Variants in ZMAT2 observed in about 807,000 individuals in gnomAD.
ZMAT2 encodes zinc finger matrin-type protein 2.
A neutral mutation model predicts 27.5 loss-of-function variants in ZMAT2; 5 were observed. That is an observed-to-expected ratio of 0.18 (90% CI 0.10 to 0.38). The LOEUF is 0.38. Ranked by LOEUF, ZMAT2 falls within the 10% of genes least tolerant of loss-of-function variation. The pLI is 1.00. For missense variants in ZMAT2, 124 were observed against 243.9 expected, an observed-to-expected ratio of 0.51 and a Z score of 3.27; for synonymous variants, 76 against 78.6, an observed-to-expected ratio of 0.97 and a Z score of 0.17.
At chr5:140,702,553 A>G (rs1191606001) in intron 3 of ZMAT2, among the ~76,000 whole-genome samples, 1 of 152,202 alleles carries the variant, frequency 6.6e-6, no homozygotes, top group Non-Finnish European at 1.5e-5. Context: ...TTTTATTGCC[A>G]TTGTACTTGT....
At chr5:140,703,837 C>T in intron 3 of ZMAT2, 81 bp from the exon 4 acceptor site, 1 of 1,307,126 alleles carries the variant, frequency 7.7e-7, no homozygotes, top group Admixed American at 1.7e-5. Context: ...AAGAAGTTTA[C>T]CTAAAAATTT....
At chr5:140,700,701 C>T in intron 1 of ZMAT2, 118 bp from the exon 2 acceptor site, 1 of 1,330,706 alleles carries the variant, frequency 7.5e-7, no homozygotes, top group Non-Finnish European at 1.0e-6. Context: ...CTCGTACAGT[C>T]CAAAGAGGCT....
At chr5:140,701,953 T>A in intron 2 of ZMAT2, 53 bp from the exon 3 acceptor site, 1 of 1,548,748 alleles carries the variant, frequency 6.5e-7, no homozygotes, top group Non-Finnish European at 8.7e-7. Context: ...TTTTTTCCTT[T>A]CTGGTTGAGG....
Position 140,705,597 on chromosome 5 carries a change from T to C in ZMAT2, c.457-16T>C, listed in dbSNP as rs1760042906. 2 of 1,603,918 alleles carry C rather than the reference T, an allele frequency of 1.2e-6. No homozygotes were observed. The highest frequency in any genetic ancestry group is 2.2e-5 in the South Asian group (2 of 89,990). ...CTGAGGAGTCTAAACTGATTCTGAGTGATTTTTCCCTCCAGGAGGAAAAGG... is the reference window on the plus strand; with the variant it reads ...CTGAGGAGTCTAAACTGATTCTGAGCGATTTTTCCCTCCAGGAGGAAAAGG... On this transcript the variant is annotated splice_polypyrimidine_tract_variant and intron_variant, in intron 5 of 5. Coordinates refer to ENST00000274712, the MANE Select transcript of ZMAT2 (RefSeq NM_144723.3).
chr5:140,700,543 G>A, intron 1 of ZMAT2, 65 bp downstream of exon 1: 1 of 1,608,808 alleles, frequency 6.2e-7, no homozygotes, highest in African/African-American at 1.3e-5. Flanking sequence ...CCTGAATAGA[G>A]ACAAACTCCT....
Position 140,702,064 on chromosome 5 carries a change from C to T in ZMAT2, c.171C>T (p.Asp57=). The T allele has an allele frequency of 6.2e-6, 10 of 1,613,542 alleles. No individual in the cohort carries two copies. Among genetic ancestry groups the T allele is most frequent in the Non-Finnish European group, 8.5e-6 (10 of 1,179,790 alleles). Residue 57 remains aspartate (D), a synonymous_variant, in exon 3 of 6, where the codon GAC becomes GAT. Transcript: ENST00000274712. ...TACGGCATAGGGACTACAAGGTGGA[C>T]TTGGAATCCAAGCTTGGGAAGACAA... ...ELLRHRDYKV[D]LESKLGKTIV...
chr5:140,700,979 G>A, intron 2 of ZMAT2, 67 bp downstream of exon 2: 4 of 1,503,960 alleles, frequency 2.7e-6, no homozygotes, highest in Non-Finnish European at 3.7e-6. Flanking sequence ...GAGCGGGTGG[G>A]AGTTGAAGTG....
At chr5:140,704,234 G>A (rs1253029127) in intron 4 of ZMAT2, among the ~76,000 whole-genome samples, 192 bp from the exon 5 acceptor site, 1 of 152,172 alleles carries the variant, frequency 6.6e-6, no homozygotes, top group Non-Finnish European at 1.5e-5. Context: ...GCCTCATTCT[G>A]GAGGCCATGA....
At chr5:140,702,182 C>G in intron 3 of ZMAT2, 53 bp downstream of exon 3, 3 of 1,597,782 alleles carry the variant, frequency 1.9e-6, no homozygotes, top group South Asian at 2.2e-5. Context: ...TAATAAGCCA[C>G]CTATTTTGGT....
intron 3 of ZMAT2, among the ~76,000 whole-genome samples, chr5:140,703,711 A>G (rs1353490064): frequency 6.6e-6 from 1 of 152,244 alleles, no homozygotes; most frequent in Non-Finnish European, 1.5e-5. Flanking sequence ...GGAAGAGACT[A>G]CACAGAGTAG....
intron 1 of ZMAT2, 68 bp from the exon 2 acceptor site, chr5:140,700,751 G>C: frequency 2.6e-6 from 4 of 1,545,912 alleles, no homozygotes. Flanking sequence ...GACCGCGAGG[G>C]CGCGGTTCCC....
chr5:140,704,229 A>G (rs1342845709), intron 4 of ZMAT2, among the ~76,000 whole-genome samples, 197 bp from the exon 5 acceptor site: 1 of 152,180 alleles, frequency 6.6e-6, no homozygotes, highest in Non-Finnish European at 1.5e-5. Context: ...AAGAGGCCTC[A>G]TTCTGGAGGC....
chr5:140,704,604 G>T (rs1321072395), intron 5 of ZMAT2, 33 bp downstream of exon 5: 12 of 1,607,602 alleles, frequency 7.5e-6, no homozygotes, highest in Non-Finnish European at 1.0e-5. Flanking sequence ...CTCTCCCCCA[G>T]ATTTGAGTTT....
chr5:140,700,835 T>G lies in ZMAT2; in HGVS notation c.35T>G (p.Phe12Cys). 1.2e-6 allele frequency: 2 copies of G among 1,613,898 alleles called. No individual in the cohort carries two copies. The highest frequency in any genetic ancestry group is 1.1e-5 in the South Asian group (1 of 91,066). The change falls in exon 2 of 6, where the codon TTT (phenylalanine) becomes TGT (cysteine). Residue 12 changes from phenylalanine to cysteine, a missense_variant. Coordinates refer to ENST00000274712, the MANE Select transcript of ZMAT2 (RefSeq NM_144723.3). The part of the protein sequence containing the change: ...ASGSGTKNLD[F>C]RRKWDKDEYE... ...TCCCCACAGACAAAAAACTTGGACT[T>G]TCGCCGAAAGTGGGACAAAGATGAA... is the stretch of plus-strand genomic sequence containing the variant.
chr5:140,700,677 G>A (rs1275477383), intron 1 of ZMAT2, 142 bp from the exon 2 acceptor site: 2 of 1,276,666 alleles, frequency 1.6e-6, no homozygotes, highest in African/African-American at 3.0e-5. Flanking sequence ...GGGTCTTGAG[G>A]CTACCTCAGT....
chr5:140,702,654 T>C (rs1759982918), intron 3 of ZMAT2, among the ~76,000 whole-genome samples: 1 of 152,222 alleles, frequency 6.6e-6, no homozygotes, highest in South Asian at 2.1e-4. Context: ...AGGAGATTTC[T>C]AGGAGAGAAA....
chr5:140,704,717 T>C (rs905064551), intron 5 of ZMAT2, 146 bp downstream of exon 5: 1 of 759,578 alleles, frequency 1.3e-6, no homozygotes, highest in Non-Finnish European at 1.9e-6. Context: ...ATTTGTTGCC[T>C]TTGTTTAGGA....
rs145640336 is a variant in ZMAT2 at position 140,700,875 on chromosome 5, C to T, written c.75C>T (p.Ala25=). ...KWDKDEYEKL[A]EKRLTEEREK... ...ACAAAGATGAATATGAGAAACTCGCCGAGAAGAGGCTCACGGAAGAGAGAG... is the reference window on the plus strand; with the variant it reads ...ACAAAGATGAATATGAGAAACTCGCTGAGAAGAGGCTCACGGAAGAGAGAG... Residue 25 remains alanine (A), a synonymous_variant, in exon 2 of 6, where the codon GCC becomes GCT. Coordinates refer to ENST00000274712, the MANE Select transcript of ZMAT2 (RefSeq NM_144723.3). 2.2e-3 allele frequency: 3,622 copies of T among 1,613,928 alleles called. 14 individuals are homozygous for T. The highest frequency in any genetic ancestry group is 0.01 in the Middle Eastern group (61 of 6,062).
intron 1 of ZMAT2, 60 bp from the exon 2 acceptor site, chr5:140,700,759 C>T (rs1759944765): frequency 1.9e-6 from 3 of 1,580,836 alleles, no homozygotes; most frequent in African/African-American, 2.7e-5. Flanking sequence ...GGGCGCGGTT[C>T]CCTGCTTCTC....
Sources: allele counts gnomAD v4.1 joint callset (sites outside exome capture counted in the v4.1 genomes callset), GRCh38; gene constraint gnomAD v4.1.1; transcripts MANE v1.5; gene names NCBI Gene and HGNC (gene_info 2026-07-23, HGNC 2026-07-21).